RNF149: variants seen among roughly 807,000 people sequenced by gnomAD.
RNF149 encodes ring finger protein 149, also known as E3 ubiquitin-protein ligase RNF149.
In RNF149, 21 loss-of-function variants were observed where a neutral mutation model predicts 39.0. The observed-to-expected ratio is 0.54, with a 90% CI of 0.38 to 0.77. RNF149 has a LOEUF of 0.77. Among genes scored for constraint, RNF149 ranks in the 30% least tolerant of loss-of-function variants. The pLI, the probability that RNF149 is intolerant of heterozygous loss-of-function variation, is 0.00. For synonymous variants in RNF149, 209 were observed against 213.6 expected, an observed-to-expected ratio of 0.98 and a Z score of 0.19; for missense variants, 493 against 534.9, an observed-to-expected ratio of 0.92 and a Z score of 0.77.
chr2:101,273,344 A>G (rs564133805), downstream of RNF149: 70 of 471,016 alleles, frequency 1.5e-4, no homozygotes, highest in Non-Finnish European at 2.9e-4. Context: ...CATGGCTCCT[A>G]TAATGGTTAG....
rs1399815338 is a variant in RNF149, at chr2:101,306,091, G to C, written c.460+2038C>G. Among the ~76,000 whole-genome samples the C allele has an allele frequency of 5.3e-5, 8 of 152,144 alleles. No individual in the cohort carries two copies. In the South Asian group the frequency reaches 8.3e-4, roughly 16 times the overall value. On this transcript the variant is annotated intron_variant, in intron 1 of 6. Transcript: ENST00000295317. ...ACATCATGGTTGTTTTTCTGGCCCTGGATAAATTACATGTCAATAACATAA... is the reference window on the plus strand; with the variant it reads ...ACATCATGGTTGTTTTTCTGGCCCTCGATAAATTACATGTCAATAACATAA...
At chr2:101,300,759 G>C (rs1165152654) in intron 1 of RNF149, among the ~76,000 whole-genome samples, 1 of 152,204 alleles carries the variant, frequency 6.6e-6, no homozygotes, top group Non-Finnish European at 1.5e-5. Flanking sequence ...ACAAAACCCA[G>C]AACGACGGCT....
In RNF149 at chr2:101,295,169, A is replaced by C. The variant is rs1333180039; in HGVS notation, c.473T>G (p.Ile158Arg). 3.1e-6 allele frequency: 5 copies of C among 1,613,260 alleles called. No homozygotes were observed. Among genetic ancestry groups the C allele is most frequent in the Middle Eastern group, 1.6e-4 (1 of 6,080 alleles). ...LPMSHAGTGN[I>R]VVIMISYPKG... ...TGGATAGCTAATCATAATGACCACTATATTTCCTGTTCCTGTAGGAAAGAA... is the reference window on the plus strand; with the variant it reads ...TGGATAGCTAATCATAATGACCACTCTATTTCCTGTTCCTGTAGGAAAGAA... The change falls in exon 2 of 7, where the codon ATA becomes AGA. Residue 158 changes from isoleucine to arginine, a missense_variant. Coordinates refer to ENST00000295317, the MANE Select transcript of RNF149 (RefSeq NM_173647.4).
intron 5 of RNF149, among the ~76,000 whole-genome samples, chr2:101,282,773 G>A (rs1164510789): frequency 6.6e-6 from 1 of 152,086 alleles, no homozygotes; most frequent in African/African-American, 2.4e-5. Context: ...ATGACCTTCT[G>A]GCTCAGCATC....
At chr2:101,307,744 G>C (rs972403176) in intron 1 of RNF149, 2 of 860,734 alleles carry the variant, frequency 2.3e-6, no homozygotes, top group Admixed American at 1.2e-4. Flanking sequence ...CGTGGGGCGC[G>C]CTGGGGGAAG....
At chr2:101,279,518 G>A (rs72822995) in intron 6 of RNF149, among the ~76,000 whole-genome samples, 1,751 of 152,254 alleles carry the variant, frequency 0.012, 11 homozygotes, top group Middle Eastern at 0.027. Context: ...TCTGGAGTTG[G>A]AAGGCAATGG....
At chr2:101,291,299 C>T (rs1291093892) in intron 3 of RNF149, among the ~76,000 whole-genome samples, 2 of 152,000 alleles carry the variant, frequency 1.3e-5, no homozygotes, top group Non-Finnish European at 2.9e-5. Context: ...TACAGGCTTG[C>T]GCCACCATGC....
rs1231627213 is a variant in RNF149, at chr2:101,308,621, G to C, written c.-33C>G. The stretch of plus-strand genomic sequence containing the variant: ...CCGCTGAGCTGACTAGGGGGAGTCA[G>C]GGTCACGCGCGAGTGCGGTGCAGTC... On this transcript the variant is annotated 5_prime_UTR_variant, in exon 1 of 7. Transcript: ENST00000295317. 2.7e-6 allele frequency: 4 copies of C among 1,478,460 alleles called. No homozygotes were observed. The South Asian group carries it at 5.4e-5, about 20-fold the overall frequency. The allele number at this position is 1,478,460 out of a possible 1,614,324, so 91.6% of individuals were successfully genotyped here.
In RNF149 at chr2:101,308,088, C is replaced by G. The variant is rs763178972; in HGVS notation, c.460+41G>C. 6.9e-6 allele frequency: 11 copies of G among 1,591,612 alleles called. No homozygotes were observed. The South Asian group carries it at 1.2e-4, about 18-fold the overall frequency. ...CCCTGAAGACCCCAGCCTCGGCTGC[C>G]GCGAAGTCCCCCTCCCGTCCTCGCG... On this transcript the variant is annotated intron_variant, in intron 1 of 6. Transcript: ENST00000295317.
intron 4 of RNF149, among the ~76,000 whole-genome samples, chr2:101,288,112 C>T (rs1682865551): frequency 6.6e-6 from 1 of 152,128 alleles, no homozygotes; most frequent in African/African-American, 2.4e-5. Context: ...ATTCTCATGC[C>T]TCAGCCTCCT....
chr2:101,288,497 G>A (rs577305465), intron 4 of RNF149, among the ~76,000 whole-genome samples: 1 of 152,166 alleles, frequency 6.6e-6, no homozygotes, highest in Admixed American at 6.6e-5. Flanking sequence ...GGGATTACAG[G>A]TGTGAGCCAC....
chr2:101,285,099 T>C lies in RNF149; in HGVS notation c.960+982A>G, dbSNP rs372531313. ...TTTTAGGAGAGACAGGGTTTCACCA[T>C]GTTGGCCAGGCTGGTCTTGAACTCC... On this transcript the variant is annotated intron_variant, in intron 5 of 6. Transcript: ENST00000295317. 1.9e-4 allele frequency among the ~76,000 whole-genome samples: 29 copies of C among 152,132 alleles called. 1 individual carries two copies. The highest frequency in any genetic ancestry group is 5.5e-4 in the African/African-American group (23 of 41,512).
chr2:101,282,042 C>T lies in RNF149; in HGVS notation c.976G>A (p.Val326Ile), dbSNP rs140877203. The T allele has an allele frequency of 5.7e-5, 92 of 1,613,728 alleles. No homozygotes were observed. Among genetic ancestry groups the T allele is most frequent in the Non-Finnish European group, 7.5e-5 (89 of 1,179,874 alleles). ...ALGYWGEPGD[V>I]QEMPAPESPP... ...GATTCTGGAGCAGGCATCTCCTGTA[C>T]ATCCCCAGGCTCTCCCTTGAGAATT... Residue 326 changes from valine to isoleucine, a missense_variant, in exon 6 of 7, where the codon GTA becomes ATA. Transcript: ENST00000295317.
rs143280476 is a variant in RNF149 at position 101,303,074 on chromosome 2, G to A, written c.460+5055C>T. Among the ~76,000 whole-genome samples, 58 of 151,734 alleles carry A rather than the reference G, an allele frequency of 3.8e-4. 2 individuals carry two copies. In the East Asian group the frequency reaches 0.01, roughly 27 times the overall value. On this transcript the variant is annotated intron_variant, in intron 1 of 6. Transcript: ENST00000295317. The stretch of plus-strand genomic sequence containing the variant: ...TGTCCTAGCTAATCCCACCCTCTGT[G>A]AGGCTATGAGGTGCCATTTGTCTTC...
chr2:101,280,201 A>AATAATAATG (rs70943072), intron 6 of RNF149, among the ~76,000 whole-genome samples: 4,622 of 146,540 alleles, frequency 0.032, 85 homozygotes, highest in Middle Eastern at 0.056. Flanking sequence ...TAATAATAAT[A>AATAATAATG]ATGATGATGA....
chr2:101,300,377 C>T (rs1683405224), intron 1 of RNF149, among the ~76,000 whole-genome samples: 1 of 152,058 alleles, frequency 6.6e-6, no homozygotes, highest in Admixed American at 6.5e-5. Flanking sequence ...AATCTCAAGG[C>T]TGGGGGTGGG....
chr2:101,299,175 T>A (rs371170456), intron 1 of RNF149, among the ~76,000 whole-genome samples: 123 of 152,176 alleles, frequency 8.1e-4, no homozygotes, highest in Middle Eastern at 3.4e-3. Context: ...CAAAAAATAA[T>A]GTGAAAGGGT....
intron 1 of RNF149, among the ~76,000 whole-genome samples, chr2:101,307,575 C>T (rs1007018503): frequency 1.3e-5 from 2 of 152,036 alleles, no homozygotes; most frequent in Admixed American, 6.6e-5. Context: ...GTGTTATAAC[C>T]CTAAATTTAG....
intron 1 of RNF149, among the ~76,000 whole-genome samples, chr2:101,307,326 C>T (rs1393207388): frequency 2.6e-5 from 4 of 152,096 alleles, no homozygotes; most frequent in East Asian, 1.9e-4. Flanking sequence ...AGACTACGGG[C>T]GGGCGCCACC....
Sources: gnomAD v4.1 joint callset for allele counts (sites outside exome capture counted in the v4.1 genomes callset) on GRCh38, gnomAD v4.1.1 for gene constraint, MANE v1.5 for transcripts, NCBI Gene and HGNC (gene_info 2026-07-23, HGNC 2026-07-21) for gene names.